TMEM132C: variants seen among roughly 807,000 people sequenced by gnomAD.
The protein encoded by TMEM132C is transmembrane protein 132C.
In TMEM132C, 29 loss-of-function variants were observed where a neutral mutation model predicts 61.4. The observed-to-expected ratio is 0.47, with a 90% CI of 0.35 to 0.64. The LOEUF is 0.64. TMEM132C is among the 30% of genes least tolerant of loss of function. TMEM132C has a pLI of 0.00. For synonymous variants in TMEM132C, 656 were observed against 633.1 expected (o/e 1.04, Z -0.54); for missense variants, 1,408 against 1,476.9 (o/e 0.95, Z 0.76).
At chr12:128,517,928 A>G (rs1242159128) in intron 2 of TMEM132C, among the ~76,000 whole-genome samples, 2 of 152,204 alleles carry the variant, frequency 1.3e-5, no homozygotes, top group Admixed American at 6.5e-5. Flanking sequence ...GTCAGCTGCT[A>G]AATGAGCTTA....
intron 3 of TMEM132C, among the ~76,000 whole-genome samples, chr12:128,587,304 A>C (rs1053055904): frequency 6.6e-6 from 1 of 152,224 alleles, no homozygotes; most frequent in Non-Finnish European, 1.5e-5. Context: ...GTGCCAGGAC[A>C]TTCTGTATCC....
intron 1 of TMEM132C, among the ~76,000 whole-genome samples, chr12:128,328,593 C>A (rs1233775955): frequency 1.3e-5 from 2 of 151,914 alleles, no homozygotes. Flanking sequence ...TTGAGACCAG[C>A]CTGACCAACA....
chr12:128,703,792 T>G (rs1954818650), intron 8 of TMEM132C, among the ~76,000 whole-genome samples: 1 of 152,196 alleles, frequency 6.6e-6, no homozygotes, highest in African/African-American at 2.4e-5. Flanking sequence ...CCCAACCTAC[T>G]TTGTGGAAGA....
At chr12:128,273,098 G>A (rs1453557486) in intron 1 of TMEM132C, among the ~76,000 whole-genome samples, 1 of 152,098 alleles carries the variant, frequency 6.6e-6, no homozygotes, top group Non-Finnish European at 1.5e-5. Flanking sequence ...GTGTTGTTCA[G>A]GTCTTCTATA....
chr12:128,351,280 G>A (rs1341905442), intron 1 of TMEM132C, among the ~76,000 whole-genome samples: 1 of 152,090 alleles, frequency 6.6e-6, no homozygotes, highest in Non-Finnish European at 1.5e-5. Context: ...GGACTCCTAG[G>A]GGCTGAGAAG....
At chr12:128,455,321 A>G (rs556955917) in intron 2 of TMEM132C, among the ~76,000 whole-genome samples, 3 of 152,322 alleles carry the variant, frequency 2.0e-5, no homozygotes, top group African/African-American at 7.2e-5. Context: ...CTCTACCCAC[A>G]CGGAGGAGGT....
intron 2 of TMEM132C, among the ~76,000 whole-genome samples, chr12:128,497,715 C>T (rs1313250572): frequency 6.6e-6 from 1 of 152,142 alleles, no homozygotes; most frequent in African/African-American, 2.4e-5. Context: ...CCCGATTTTC[C>T]AGGTGCCGTC....
At chr12:128,469,662 G>GTGTA (rs1565945290) in intron 2 of TMEM132C, among the ~76,000 whole-genome samples, 41 of 144,846 alleles carry the variant, frequency 2.8e-4, no homozygotes, top group African/African-American at 1.0e-3. Flanking sequence ...GTGTGTGTGT[G>GTGTA]TATATATATA....
Position 128,695,860 on chromosome 12 carries a change from G to A in TMEM132C, c.1686G>A (p.Glu562=). 6.4e-7 allele frequency: 1 copy of A among 1,550,608 alleles called. No individual in the cohort carries two copies. The highest frequency in any genetic ancestry group is 1.2e-5 in the South Asian group (1 of 83,998). The change falls in exon 7 of 9, where the codon GAG becomes GAA. Residue 562 remains glutamate, a synonymous_variant. Transcript: ENST00000435159. The part of the protein sequence containing the change: ...RPTRESEDED[E]EERRGRGCAL... ...CTCGTGAGAGCGAGGATGAGGACGA[G>A]GAGGAGCGGCGGGGCCGGGGCTGCG... is the stretch of plus-strand genomic sequence containing the variant.
At chr12:128,602,975 A>G (rs1177438649) in intron 3 of TMEM132C, among the ~76,000 whole-genome samples, 1 of 152,238 alleles carries the variant, frequency 6.6e-6, no homozygotes, top group African/African-American at 2.4e-5. Context: ...ACTGGCTCCA[A>G]ACAAATATTT....
chr12:128,443,989 TCATAGCTC>T (rs1869884223), intron 2 of TMEM132C, among the ~76,000 whole-genome samples: 1 of 152,130 alleles, frequency 6.6e-6, no homozygotes, highest in Non-Finnish European at 1.5e-5. Context: ...GTGGTACCAG[TCATAGCTC>T]ACTGTAGCCT....
chr12:128,661,513 T>C (rs1459224681), intron 4 of TMEM132C, among the ~76,000 whole-genome samples: 1 of 151,316 alleles, frequency 6.6e-6, no homozygotes, highest in African/African-American at 2.4e-5. Context: ...GAGGAAAATG[T>C]GTACCCTCTC....
intron 4 of TMEM132C, among the ~76,000 whole-genome samples, chr12:128,666,062 CATA>C (rs1954467924): frequency 8.0e-6 from 1 of 125,292 alleles, no homozygotes; most frequent in Non-Finnish European, 1.6e-5. Context: ...CACAGGCACT[CATA>C]CACAAACACA....
rs1025651608 is a variant in TMEM132C at position 128,570,037 on chromosome 12, A to G, written c.1121+25934A>G. On this transcript the variant is annotated intron_variant, in intron 3 of 8. Coordinates refer to ENST00000435159, the MANE Select transcript of TMEM132C (RefSeq NM_001136103.3). The surrounding 1 kb of genome is among the most constrained non-coding windows in gnomAD (Gnocchi z 4.7). ...CATTGCCGTTAACGTGAGAAGTGAA[A>G]GGAGAGATGGAGAATAAACACTGTC... Among the ~76,000 whole-genome samples the G allele has an allele frequency of 3.9e-5, 6 of 152,146 alleles. No individual in the cohort carries two copies. The highest frequency in any genetic ancestry group is 7.3e-5 in the Non-Finnish European group (5 of 68,030).
chr12:128,346,714 G>A (rs748241392), intron 1 of TMEM132C, among the ~76,000 whole-genome samples: 8 of 152,118 alleles, frequency 5.3e-5, no homozygotes, highest in African/African-American at 7.2e-5. Context: ...TGTCGATGGC[G>A]TATAGGGATG....
At chr12:128,511,764 C>T (rs568419599) in intron 2 of TMEM132C, among the ~76,000 whole-genome samples, 14 of 152,300 alleles carry the variant, frequency 9.2e-5, no homozygotes, top group African/African-American at 2.2e-4. Flanking sequence ...GTGTATGGCC[C>T]GCACCCCACC....
chr12:128,541,009 A>G (rs12817663), intron 2 of TMEM132C, among the ~76,000 whole-genome samples: 69,142 of 149,094 alleles, frequency 0.46, 18,476 homozygotes, highest in Non-Finnish European at 0.61. Context: ...CTGTCTGTCT[A>G]TCTTTCTCTC....
intron 3 of TMEM132C, among the ~76,000 whole-genome samples, chr12:128,609,052 A>G (rs564446915): frequency 5.2e-4 from 79 of 152,108 alleles, no homozygotes; most frequent in African/African-American, 1.4e-3. Context: ...TCTGTCATCC[A>G]GGCTGCAGTG....
At chr12:128,697,132 G>T (rs1309043261) in intron 7 of TMEM132C, 92 bp from the exon 8 acceptor site, 4 of 1,193,584 alleles carry the variant, frequency 3.4e-6, no homozygotes, top group Admixed American at 2.6e-5. Flanking sequence ...TGGACCTCAG[G>T]CCTGTTGGGA....
Sources: gnomAD v4.1 joint callset for allele counts (sites outside exome capture counted in the v4.1 genomes callset) on GRCh38, gnomAD v4.1.1 for gene constraint, Gnocchi (gnomAD v3.1) non-coding constraint, MANE v1.5 for transcripts, NCBI Gene and HGNC (gene_info 2026-07-23, HGNC 2026-07-21) for gene names.